CNTNAP2: variants seen among roughly 807,000 people sequenced by gnomAD.
The protein encoded by CNTNAP2 is contactin associated protein 2, also known as contactin-associated protein-like 2.
A neutral mutation model predicts 155.2 loss-of-function variants in CNTNAP2; 98 were observed. The ratio of observed to expected loss-of-function variants is 0.63; its 90% confidence interval spans 0.54 to 0.75. The LOEUF (loss-of-function observed/expected upper bound fraction) is 0.75, where lower values mean the gene tolerates loss of function less well. Ranked by LOEUF, CNTNAP2 falls within the 30% of genes least tolerant of loss-of-function variation. The pLI, the probability that CNTNAP2 is intolerant of heterozygous loss-of-function variation, is 0.00. For missense variants in CNTNAP2, 1,727 were observed against 1,688.1 expected, an observed-to-expected ratio of 1.02 and a Z score of -0.40; for synonymous variants, 651 against 631.2, an observed-to-expected ratio of 1.03 and a Z score of -0.47.
chr7:146,959,713 C>CAAAAAA (rs1176908836), intron 3 of CNTNAP2, among the ~76,000 whole-genome samples: 2 of 90,398 alleles, frequency 2.2e-5, no homozygotes, highest in Non-Finnish European at 2.2e-5. Context: ...CAGCGAGTCT[C>CAAAAAA]AAAAAAAAAA....
At chr7:147,061,091 A>G (rs1392592121) in intron 4 of CNTNAP2, among the ~76,000 whole-genome samples, 1 of 137,048 alleles carries the variant, frequency 7.3e-6, no homozygotes, top group Non-Finnish European at 1.5e-5. Context: ...GATAGAATCA[A>G]AGAGTTGAGC....
intron 1 of CNTNAP2, among the ~76,000 whole-genome samples, chr7:146,292,355 G>T (rs1266707455): frequency 1.3e-5 from 2 of 152,126 alleles, no homozygotes; most frequent in Non-Finnish European, 2.9e-5. Context: ...ACATGATCTT[G>T]TTCCTTTTGA....
intron 11 of CNTNAP2, among the ~76,000 whole-genome samples, chr7:147,537,988 A>C (rs1799576598): frequency 6.6e-6 from 1 of 152,114 alleles, no homozygotes; most frequent in Non-Finnish European, 1.5e-5. Flanking sequence ...ATTTGAAAAA[A>C]CATTTATTTA....
At chr7:146,644,624 C>G (rs1395413706) in intron 1 of CNTNAP2, among the ~76,000 whole-genome samples, 5 of 151,648 alleles carry the variant, frequency 3.3e-5, no homozygotes, top group African/African-American at 1.2e-4. Context: ...CGCAAATAGA[C>G]GCAATAAAAA....
intron 10 of CNTNAP2, among the ~76,000 whole-genome samples, chr7:147,427,855 C>A (rs1797405023): frequency 6.6e-6 from 1 of 152,032 alleles, no homozygotes; most frequent in African/African-American, 2.4e-5. Context: ...ATTAGACATA[C>A]CCCAACTGTT....
At chr7:146,191,428 A>C (rs1798703487) in intron 1 of CNTNAP2, among the ~76,000 whole-genome samples, 1 of 152,220 alleles carries the variant, frequency 6.6e-6, no homozygotes, top group African/African-American at 2.4e-5. Context: ...TGGTGAAATT[A>C]AAATTGCTAA....
At chr7:146,933,945 G>C (rs990812505) in intron 3 of CNTNAP2, among the ~76,000 whole-genome samples, 1 of 151,934 alleles carries the variant, frequency 6.6e-6, no homozygotes, top group African/African-American at 2.4e-5. Context: ...GAAACAACAG[G>C]TGCTGGAGAG....
chr7:146,894,607 C>A lies in CNTNAP2; in HGVS notation c.402+54703C>A, dbSNP rs185945257. Among the ~76,000 whole-genome samples the A allele has an allele frequency of 1.4e-4, 22 of 152,226 alleles. 1 individual carries two copies. The highest frequency in any genetic ancestry group is 3.4e-3 in the Middle Eastern group (1 of 294). On this transcript the variant is annotated intron_variant, in intron 3 of 23. Coordinates refer to ENST00000361727, the MANE Select transcript of CNTNAP2 (RefSeq NM_014141.6). ...TTAAAGTGATAACTTTAAACAATTT[C>A]CTTGACCTGTGTATCTCTTTTGTTG...
chr7:147,246,493 T>A (rs1363567063), intron 8 of CNTNAP2, among the ~76,000 whole-genome samples: 1 of 152,182 alleles, frequency 6.6e-6, no homozygotes, highest in Non-Finnish European at 1.5e-5. Flanking sequence ...ATTTCTTGGT[T>A]AGTAGAGAGT....
At position 146,514,533 on chromosome 7, in the gene CNTNAP2, A is replaced by G. The variant is rs1797513433; in HGVS notation, c.98-259738A>G. On this transcript the variant is annotated intron_variant, in intron 1 of 23. Transcript: ENST00000361727. ...GACTCTCTGATGCATTTTTCATCTA[A>G]TTCAATGTATTCTTTAGTTCCAGGA... Among the ~76,000 whole-genome samples the G allele has an allele frequency of 2.0e-5, 3 of 152,126 alleles. No individual in the cohort carries two copies. The South Asian group carries it at 6.2e-4, about 32-fold the overall frequency.
intron 20 of CNTNAP2, among the ~76,000 whole-genome samples, chr7:148,252,311 C>T (rs143757586): frequency 1.6e-4 from 24 of 152,308 alleles, no homozygotes; most frequent in African/African-American, 4.1e-4. Flanking sequence ...TGAGTCCCAA[C>T]GTAGCTACAC....
rs759573683 is a variant in CNTNAP2, at chr7:147,043,896, T to G, written c.403-11T>G. ...TTTTCCCAATTTTTAAAATACTATTTCCTTTTCCAGGCATTTCCCGGAAAC... is the reference window on the plus strand; with the variant it reads ...TTTTCCCAATTTTTAAAATACTATTGCCTTTTCCAGGCATTTCCCGGAAAC... On this transcript the variant is annotated splice_polypyrimidine_tract_variant and intron_variant, in intron 3 of 23. Coordinates refer to ENST00000361727, the MANE Select transcript of CNTNAP2 (RefSeq NM_014141.6). 6.2e-7 allele frequency: 1 copy of G among 1,614,104 alleles called. No individual in the cohort carries two copies. The highest frequency in any genetic ancestry group is 8.5e-7 in the Non-Finnish European group (1 of 1,179,962).
chr7:147,741,100 G>T (rs1451407435), intron 13 of CNTNAP2, among the ~76,000 whole-genome samples: 1 of 152,222 alleles, frequency 6.6e-6, no homozygotes, highest in Non-Finnish European at 1.5e-5. Context: ...TATCACAGAT[G>T]ATGGCCATTG....
chr7:146,506,911 T>C (rs1797392985), intron 1 of CNTNAP2, among the ~76,000 whole-genome samples: 2 of 152,010 alleles, frequency 1.3e-5, no homozygotes, highest in Non-Finnish European at 2.9e-5. Context: ...GAATGGGAGG[T>C]GCCTCTCTTG....
In CNTNAP2 at chr7:146,917,095, A is replaced by G. The variant is rs188611528; in HGVS notation, c.402+77191A>G. Among the ~76,000 whole-genome samples the G allele has an allele frequency of 4.6e-3, 699 of 152,290 alleles. 9 individuals carry two copies. Among genetic ancestry groups the G allele is most frequent in the African/African-American group, 0.016 (663 of 41,560 alleles). On this transcript the variant is annotated intron_variant, in intron 3 of 23. Coordinates refer to ENST00000361727, the MANE Select transcript of CNTNAP2 (RefSeq NM_014141.6). ...GTTGACCCAATGATCATTGAGGATC[A>G]GGTTATTTAATTTCCAGGTACTTGC...
At chr7:147,741,945 A>ACAATT (rs1236603320) in intron 13 of CNTNAP2, among the ~76,000 whole-genome samples, 2 of 152,214 alleles carry the variant, frequency 1.3e-5, no homozygotes. Flanking sequence ...TATTGGACTT[A>ACAATT]CAATTTCACG....
chr7:147,088,241 A>G (rs890282493), intron 4 of CNTNAP2, among the ~76,000 whole-genome samples: 16 of 152,202 alleles, frequency 1.1e-4, no homozygotes, highest in African/African-American at 3.1e-4. Context: ...CACTTGGATC[A>G]CTAAAAATAA....
chr7:146,805,357 T>C (rs1489963805), intron 2 of CNTNAP2, among the ~76,000 whole-genome samples: 3 of 152,120 alleles, frequency 2.0e-5, no homozygotes, highest in Non-Finnish European at 4.4e-5. Flanking sequence ...CTCTATAAAA[T>C]TGATAGTTGA....
At chr7:146,766,794 C>T (rs10270010) in intron 1 of CNTNAP2, among the ~76,000 whole-genome samples, 3,461 of 152,226 alleles carry the variant, frequency 0.023, 129 homozygotes, top group African/African-American at 0.08. Context: ...GTATATTCAT[C>T]AAGGTCCAAA....
Sources: allele counts gnomAD v4.1 joint callset (sites outside exome capture counted in the v4.1 genomes callset), GRCh38; gene constraint gnomAD v4.1.1; transcripts MANE v1.5; gene names NCBI Gene and HGNC (gene_info 2026-07-23, HGNC 2026-07-21).